PCNX1: variants seen among roughly 807,000 people sequenced by gnomAD.
PCNX1 encodes pecanex 1.
PCNX1 carries 78 observed loss-of-function variants against 242.2 expected under a neutral mutation model. The ratio of observed to expected loss-of-function variants is 0.32; its 90% CI spans 0.27 to 0.39. The LOEUF is 0.39. Among genes scored for constraint, PCNX1 ranks in the 10% least tolerant of loss-of-function variants. PCNX1 has a pLI of 1.00. For missense variants in PCNX1, 2,581 were observed against 2,856.5 expected (o/e 0.90, Z 2.20); for synonymous variants, 1,024 against 1,032.9 (o/e 0.99, Z 0.17).
chr14:71,087,563 A>AC (rs1421060982), intron 28 of PCNX1, among the ~76,000 whole-genome samples: 6 of 152,076 alleles, frequency 3.9e-5, no homozygotes, highest in Non-Finnish European at 7.4e-5. Flanking sequence ...TGATTGCTTG[A>AC]CCCCACCTCC....
At chr14:70,996,030 C>A in intron 8 of PCNX1, 105 bp downstream of exon 8, 1 of 826,152 alleles carries the variant, frequency 1.2e-6, no homozygotes, top group South Asian at 1.5e-5. Context: ...TGGAACTATG[C>A]ATAGGAGCAC....
intron 1 of PCNX1, among the ~76,000 whole-genome samples, chr14:70,943,738 T>G (rs1594972802): frequency 6.6e-6 from 1 of 151,812 alleles, no homozygotes; most frequent in African/African-American, 2.4e-5. Flanking sequence ...CGGCAGCCCC[T>G]CCCATCACGA....
chr14:71,055,476 G>A, intron 24 of PCNX1, 28 bp from the exon 25 acceptor site: 1 of 1,398,760 alleles, frequency 7.1e-7, no homozygotes, highest in Non-Finnish European at 1.0e-6. Context: ...TGTAAAGAAA[G>A]TTACTAAAAA....
chr14:71,071,210 T>A (rs997600390), intron 26 of PCNX1, among the ~76,000 whole-genome samples: 1 of 152,228 alleles, frequency 6.6e-6, no homozygotes, highest in African/African-American at 2.4e-5. Flanking sequence ...TGGTTTGATC[T>A]TCTCTCCAGA....
chr14:70,998,683 GGAGGTTGCAGTGAACCAA>G (rs2059420144), intron 8 of PCNX1, among the ~76,000 whole-genome samples: 1 of 150,278 alleles, frequency 6.7e-6, no homozygotes, highest in Non-Finnish European at 1.5e-5. Flanking sequence ...TCTGGGAGGC[GGAGGTTGCAGTGAACCAA>G]GATTGCGCCG....
chr14:70,983,986 A>G (rs1317861236), intron 6 of PCNX1, among the ~76,000 whole-genome samples: 1 of 151,460 alleles, frequency 6.6e-6, no homozygotes, highest in Non-Finnish European at 1.5e-5. Context: ...TTATGTCTTT[A>G]TATAGTAATT....
At chr14:71,091,585 A>G (rs2141680211) in intron 30 of PCNX1, among the ~76,000 whole-genome samples, 1 of 152,370 alleles carries the variant, frequency 6.6e-6, no homozygotes, top group African/African-American at 2.4e-5. Context: ...AGACAAACTT[A>G]GGTATGTCAT....
intron 19 of PCNX1, among the ~76,000 whole-genome samples, chr14:71,043,124 C>T (rs2060757493): frequency 6.6e-6 from 1 of 152,146 alleles, no homozygotes; most frequent in East Asian, 1.9e-4. Flanking sequence ...TGTGTCACCT[C>T]AGTGTCTTCT....
At chr14:71,055,122 A>G (rs1283672595) in intron 24 of PCNX1, among the ~76,000 whole-genome samples, 1 of 152,230 alleles carries the variant, frequency 6.6e-6, no homozygotes, top group East Asian at 1.9e-4. Flanking sequence ...AGAACATTGC[A>G]TCACTGAGCA....
intron 1 of PCNX1, among the ~76,000 whole-genome samples, chr14:70,919,912 GA>G (rs111329009): frequency 3.1e-4 from 47 of 151,708 alleles, no homozygotes; most frequent in South Asian, 2.3e-3. Flanking sequence ...TTTTAAGGGG[GA>G]AAAAAAAGTT....
At chr14:71,039,243 AC>A (rs933488030) in intron 19 of PCNX1, among the ~76,000 whole-genome samples, 1 of 152,180 alleles carries the variant, frequency 6.6e-6, no homozygotes, top group Non-Finnish European at 1.5e-5. Flanking sequence ...AATTAAAAAA[AC>A]AAAAAAAACC....
At chr14:70,942,480 G>A (rs914811211) in intron 1 of PCNX1, among the ~76,000 whole-genome samples, 4 of 149,874 alleles carry the variant, frequency 2.7e-5, no homozygotes, top group African/African-American at 9.9e-5. Flanking sequence ...GACAGCAGAT[G>A]TGTGGGGGTG....
intron 26 of PCNX1, among the ~76,000 whole-genome samples, chr14:71,064,959 A>G (rs1425030509): frequency 6.6e-6 from 1 of 152,096 alleles, no homozygotes; most frequent in Non-Finnish European, 1.5e-5. Flanking sequence ...ATCCTTTTTT[A>G]TGGATGCGTA....
chr14:71,076,183 T>C lies in PCNX1; in HGVS notation c.5107-6T>C. 1 of 1,533,750 alleles carries C rather than the reference T, an allele frequency of 6.5e-7. No individual in the cohort carries two copies. Among genetic ancestry groups the C allele is most frequent in the Non-Finnish European group, 9.0e-7 (1 of 1,107,240 alleles). On this transcript the variant is annotated splice_region_variant and splice_polypyrimidine_tract_variant and intron_variant, in intron 27 of 35. Coordinates refer to ENST00000304743, the MANE Select transcript of PCNX1 (RefSeq NM_014982.3). Reference sequence around the variant, plus strand: ...AATTCTTTTTTTTTTGTCTTGTTCATGTTAGGGTATCATTTATTATGTTAC... The same window carrying C: ...AATTCTTTTTTTTTTGTCTTGTTCACGTTAGGGTATCATTTATTATGTTAC...
At chr14:70,929,990 A>G (rs1328096658) in intron 1 of PCNX1, among the ~76,000 whole-genome samples, 5 of 152,308 alleles carry the variant, frequency 3.3e-5, no homozygotes, top group Admixed American at 1.3e-4. Flanking sequence ...TATAATGTAC[A>G]TAAGATTATT....
intron 28 of PCNX1, among the ~76,000 whole-genome samples, chr14:71,078,058 T>G (rs1466349678): frequency 6.6e-6 from 1 of 152,210 alleles, no homozygotes; most frequent in Non-Finnish European, 1.5e-5. Context: ...AATCATATAT[T>G]CAAAAGGTTT....
intron 1 of PCNX1, among the ~76,000 whole-genome samples, chr14:70,922,522 T>G (rs1294661632): frequency 6.6e-6 from 1 of 152,118 alleles, no homozygotes; most frequent in Admixed American, 6.5e-5. Context: ...TCTTCTGTTC[T>G]CTATCATCCA....
At chr14:70,973,995 C>T (rs1263828101) in intron 5 of PCNX1, among the ~76,000 whole-genome samples, 4 of 151,926 alleles carry the variant, frequency 2.6e-5, no homozygotes, top group Non-Finnish European at 5.9e-5. Flanking sequence ...CAGCCCCTGA[C>T]AACCTCTAGT....
intron 16 of PCNX1, chr14:71,031,825 A>G: frequency 2.0e-6 from 3 of 1,490,056 alleles, no homozygotes; most frequent in Non-Finnish European, 1.9e-6. Context: ...GAGGAGAGGG[A>G]TGGTGGCATC....
Sources: gnomAD v4.1 joint callset for allele counts (sites outside exome capture counted in the v4.1 genomes callset) on GRCh38, gnomAD v4.1.1 for gene constraint, MANE v1.5 for transcripts, NCBI Gene and HGNC (gene_info 2026-07-23, HGNC 2026-07-21) for gene names.